The following MRPS31 variants were observed in gnomAD, a reference collection of about 807,000 sequenced individuals.
The protein encoded by MRPS31 is mitochondrial ribosomal protein S31, also known as small ribosomal subunit protein mS31.
MRPS31 carries 32 observed loss-of-function variants against 43.1 expected under a neutral mutation model. The observed-to-expected ratio is 0.74, with a 90% CI of 0.56 to 1.00. MRPS31 has a LOEUF of 1.00. MRPS31 is among the 50% of genes least tolerant of loss of function. The probability of loss-of-function intolerance (pLI) is 0.00; values close to 1 mark genes in which losing one functional copy is unlikely to be tolerated. For missense variants in MRPS31, 437 were observed against 466.7 expected (o/e 0.94, Z 0.59); for synonymous variants, 165 against 161.6 (o/e 1.02, Z -0.16).
intron 5 of MRPS31, among the ~76,000 whole-genome samples, chr13:40,750,263 C>T (rs1880347961): frequency 6.6e-6 from 1 of 152,056 alleles, no homozygotes; most frequent in Non-Finnish European, 1.5e-5. Flanking sequence ...TCAAAGAAGC[C>T]AGATGCAAAG....
chr13:40,758,205 C>T (rs1880589798), intron 3 of MRPS31, among the ~76,000 whole-genome samples: 1 of 151,540 alleles, frequency 6.6e-6, no homozygotes, highest in Non-Finnish European at 1.5e-5. Context: ...ACTTCAGGCA[C>T]ACGCCACCAT....
chr13:40,750,667 C>T lies in MRPS31; in HGVS notation c.815-1386G>A, dbSNP rs1481563862. Among the ~76,000 whole-genome samples, 4 of 148,572 alleles carry T rather than the reference C, an allele frequency of 2.7e-5. No individual in the cohort carries two copies. In the East Asian group the frequency reaches 7.8e-4, roughly 29 times the overall value. Reference sequence around the variant, plus strand: ...TCTTATTTTTTTCTGGGTGATATCACTTTTTAAAATAAATGAGGATCGTAT... The same window carrying T: ...TCTTATTTTTTTCTGGGTGATATCATTTTTTAAAATAAATGAGGATCGTAT... On this transcript the variant is annotated intron_variant, in intron 5 of 6. Coordinates refer to ENST00000323563, the MANE Select transcript of MRPS31 (RefSeq NM_005830.4).
intron 2 of MRPS31, among the ~76,000 whole-genome samples, chr13:40,763,991 G>A (rs964457341): frequency 1.3e-5 from 2 of 152,156 alleles, no homozygotes; most frequent in Non-Finnish European, 2.9e-5. Flanking sequence ...TCCCAGCCCG[G>A]AATCTAGCTT....
rs563411325 is a variant in MRPS31, at chr13:40,735,031, C to A, written c.959-5430G>T. Among the ~76,000 whole-genome samples the A allele has an allele frequency of 3.9e-5, 6 of 152,336 alleles. No homozygotes were observed. The South Asian group carries it at 6.2e-4, about 16-fold the overall frequency. On this transcript the variant is annotated intron_variant, in intron 6 of 6. Coordinates refer to ENST00000323563, the MANE Select transcript of MRPS31 (RefSeq NM_005830.4). ...TTTCCATCTGAGGTACCGGGTTCAT[C>A]TCACTAGGGAGTGCCAGACAGTGGG...
chr13:40,758,139 T>C (rs1392519654), intron 3 of MRPS31, among the ~76,000 whole-genome samples: 3 of 135,636 alleles, frequency 2.2e-5, no homozygotes, highest in Non-Finnish European at 4.6e-5. Flanking sequence ...CGAGACTCCG[T>C]CTCAAAAAAA....
chr13:40,736,538 A>T (rs1404108661), intron 6 of MRPS31, among the ~76,000 whole-genome samples: 1 of 145,092 alleles, frequency 6.9e-6, no homozygotes, highest in Non-Finnish European at 1.5e-5. Context: ...AGAGAAAGGT[A>T]GGGTTACCCT....
intron 4 of MRPS31, among the ~76,000 whole-genome samples, chr13:40,755,373 C>T (rs1880501771): frequency 6.6e-6 from 1 of 152,314 alleles, no homozygotes; most frequent in Non-Finnish European, 1.5e-5. Context: ...AAAAGAGGAA[C>T]GTACTACAAA....
chr13:40,764,413 C>A (rs1038910988), intron 2 of MRPS31, among the ~76,000 whole-genome samples: 1 of 151,902 alleles, frequency 6.6e-6, no homozygotes, highest in African/African-American at 2.4e-5. Context: ...GATACAGAAC[C>A]TGCACATACA....
chr13:40,768,094 A>G (rs1379013055), intron 1 of MRPS31, among the ~76,000 whole-genome samples: 1 of 152,252 alleles, frequency 6.6e-6, no homozygotes, highest in East Asian at 1.9e-4. Context: ...CCTAATTCTA[A>G]GTAATCCAAA....
chr13:40,766,656 T>G, intron 2 of MRPS31, 90 bp downstream of exon 2: 3 of 1,224,926 alleles, frequency 2.4e-6, no homozygotes, highest in Non-Finnish European at 3.4e-6. Context: ...TAATTCAACA[T>G]TTCCCAAGTA....
At chr13:40,743,557 T>G (rs369056159) in intron 6 of MRPS31, among the ~76,000 whole-genome samples, 17 of 152,162 alleles carry the variant, frequency 1.1e-4, no homozygotes, top group African/African-American at 3.9e-4. Flanking sequence ...GAACAGACAC[T>G]TCTCAAAAGA....
Position 40,749,172 on chromosome 13 carries a change from C to T in MRPS31, c.924G>A (p.Gly308=), listed in dbSNP as rs1175889735. Residue 308 remains glycine (G), a synonymous_variant, in exon 6 of 7, where the codon GGG becomes GGA. Transcript: ENST00000323563. ...FEELIQWTKE[G]KLWEFPINNE... ...TGTTAATTGGGAACTCCCATAGTTT[C>T]CCCTCTTTTGTCCACTGGATCAGCT... 1.7e-5 allele frequency: 27 copies of T among 1,601,164 alleles called. No individual in the cohort carries two copies. The highest frequency in any genetic ancestry group is 2.3e-5 in the Non-Finnish European group (27 of 1,177,426).
At chr13:40,733,385 G>A (rs770085275) in intron 6 of MRPS31, among the ~76,000 whole-genome samples, 2 of 151,960 alleles carry the variant, frequency 1.3e-5, no homozygotes, top group East Asian at 1.9e-4. Context: ...GAATGTCCCC[G>A]GAGCATAGAA....
chr13:40,733,205 T>C (rs1212526345), intron 6 of MRPS31, among the ~76,000 whole-genome samples: 1 of 151,998 alleles, frequency 6.6e-6, no homozygotes, highest in African/African-American at 2.4e-5. Context: ...GGTTTCACCA[T>C]GTTGGCCAGG....
At chr13:40,742,196 A>G (rs950290090) in intron 6 of MRPS31, among the ~76,000 whole-genome samples, 1 of 152,212 alleles carries the variant, frequency 6.6e-6, no homozygotes, top group African/African-American at 2.4e-5. Flanking sequence ...CAGTAAAGAA[A>G]ACATAAGAGA....
chr13:40,736,455 A>G (rs9549275), intron 6 of MRPS31, among the ~76,000 whole-genome samples: 138,057 of 139,406 alleles, frequency 0.99, 68,381 homozygotes, highest in East Asian at 1. Context: ...TCCTCGAGAA[A>G]AGCAACTCCA....
chr13:40,737,115 AG>A (rs2137995456), intron 6 of MRPS31, among the ~76,000 whole-genome samples: 1 of 151,400 alleles, frequency 6.6e-6, no homozygotes, highest in East Asian at 1.9e-4. Flanking sequence ...AAACAAAAAA[AG>A]GCAGGGGTTG....
rs1879592348 is a variant in MRPS31 at position 40,729,314 on chromosome 13, T to G, written c.*58A>C. On this transcript the variant is annotated 3_prime_UTR_variant, in exon 7 of 7. Transcript: ENST00000323563. The stretch of plus-strand genomic sequence containing the variant: ...TAACATATACAAACTCTAGTAAAAT[T>G]ATTTTATTTAGTTGTAATATCCATC... The G allele has an allele frequency of 3.5e-6, 3 of 861,570 alleles. No homozygotes were observed. In the Admixed American group the frequency reaches 8.2e-5, roughly 23 times the overall value. The allele number at this position is 861,570 out of a possible 1,614,324, so 53.4% of individuals were successfully genotyped here.
intron 5 of MRPS31, among the ~76,000 whole-genome samples, chr13:40,751,517 G>A (rs377140927): frequency 9.9e-5 from 15 of 152,110 alleles, no homozygotes; most frequent in African/African-American, 3.4e-4. Context: ...ACTGCCTGTC[G>A]ACTCTAGGAT....
Sources: gnomAD v4.1 joint callset for allele counts (sites outside exome capture counted in the v4.1 genomes callset) on GRCh38, gnomAD v4.1.1 for gene constraint, MANE v1.5 for transcripts, NCBI Gene and HGNC (gene_info 2026-07-23, HGNC 2026-07-21) for gene names.